The following NLRP2 variants were observed in gnomAD, a reference collection of about 807,000 sequenced individuals.
NLRP2 encodes the protein NLR family pyrin domain containing 2, also known as NACHT, LRR and PYD domains-containing protein 2.
NLRP2 carries 107 observed loss-of-function variants against 97.2 expected under a neutral mutation model. The ratio of observed to expected loss-of-function variants is 1.10; its 90% CI spans 0.94 to 1.29. The LOEUF is 1.29. NLRP2 is among the 50% of genes most tolerant of loss of function. The pLI is 0.00. For synonymous variants in NLRP2, 663 were observed against 551.5 expected, an observed-to-expected ratio of 1.20 and a Z score of -2.83; for missense variants, 1,495 against 1,330.3, an observed-to-expected ratio of 1.12 and a Z score of -1.93.
rs572216748 is a variant in NLRP2, at chr19:54,986,290, C to A, written c.2341C>A (p.Pro781Thr). 16 of 1,613,850 alleles carry A rather than the reference C, an allele frequency of 9.9e-6. No homozygotes were observed. In the Admixed American group the frequency reaches 1.3e-4, roughly 13 times the overall value. The change falls in exon 8 of 13, where the codon CCA becomes ACA. Residue 781 changes from proline to threonine, a missense_variant. By Grantham distance (38) the Pro-to-Thr change is conservative (BLOSUM62 -1). Coordinates refer to ENST00000448584, the MANE Select transcript of NLRP2 (RefSeq NM_017852.5). ...CGCATTGTGTGAGGTCTTGAGACAT[C>A]CAGAATGTAACCTGCGATATCTCGG... ...FPALCEVLRH[P>T]ECNLRYLGLV...
At chr19:54,988,345 T>G (rs1296321422) in intron 8 of NLRP2, among the ~76,000 whole-genome samples, 2 of 152,152 alleles carry the variant, frequency 1.3e-5, no homozygotes, top group African/African-American at 4.8e-5. Context: ...TAGGCTGGAG[T>G]GCAGTGCCAC....
intron 1 of NLRP2, 48 bp downstream of exon 1, chr19:54,966,515 A>G (rs1361557853): frequency 6.6e-6 from 1 of 151,962 alleles, no homozygotes; most frequent in African/African-American, 2.4e-5. Context: ...TTATTTCTCC[A>G]TTCCACAGTT....
intron 11 of NLRP2, among the ~76,000 whole-genome samples, chr19:54,995,293 TGA>T (rs781668556): frequency 1.2e-4 from 18 of 146,234 alleles, no homozygotes; most frequent in Non-Finnish European, 9.0e-5. Context: ...TGGGTTCAAG[TGA>T]TTCTCCTGCC....
chr19:55,000,735 C>T (rs2073140578), intron 12 of NLRP2, 25 bp from the exon 13 acceptor site: 1 of 1,612,404 alleles, frequency 6.2e-7, no homozygotes, highest in African/African-American at 1.3e-5. Flanking sequence ...ACAAAGTAAC[C>T]TTTTCTTCCC....
chr19:54,978,121 C>T lies in NLRP2; in HGVS notation c.397+298C>T, dbSNP rs541987655. Among the ~76,000 whole-genome samples the T allele has an allele frequency of 6.1e-4, 93 of 152,162 alleles. 1 individual carries two copies. Among genetic ancestry groups the T allele is most frequent in the Admixed American group, 5.4e-3 (82 of 15,246 alleles). On this transcript the variant is annotated intron_variant, in intron 4 of 12. Transcript: ENST00000448584. ...TTGGCCAGGTTGGAATGCAATGGCG[C>T]GATCTCGGCTCACTGTAACCTCCAC...
At chr19:54,968,700 C>CATTTTTTTTTTTTTTTT (rs2070640500) in intron 1 of NLRP2, among the ~76,000 whole-genome samples, 1 of 8,574 alleles carries the variant, frequency 1.2e-4, no homozygotes, top group Admixed American at 1.5e-3. Context: ...TATCTTTAAG[C>CATTTTTTTTTTTTTTTT]CTTTTTTTTT....
In NLRP2 at chr19:55,000,819, A is replaced by AT; in HGVS notation, c.3110_3111insT (p.Lys1037AsnfsTer8). On this transcript the variant is annotated frameshift_variant, in exon 13 of 13. Coordinates refer to ENST00000448584, the MANE Select transcript of NLRP2 (RefSeq NM_017852.5). LOFTEE classifies it low-confidence loss of function (END_TRUNC). Reference sequence around the variant, plus strand: ...AAGCTGCTGGAAGAAATAGAAGAAAAAAACCCACAACTGATTATTGATACT... The same window carrying AT: ...AAGCTGCTGGAAGAAATAGAAGAAAATAAACCCACAACTGATTATTGATACT... 6.2e-7 allele frequency: 1 copy of AT among 1,613,740 alleles called. No individual in the cohort carries two copies. Among genetic ancestry groups the AT allele is most frequent in the Non-Finnish European group, 8.5e-7 (1 of 1,179,720 alleles).
In NLRP2 at chr19:54,976,782, T is replaced by G. The variant is rs8102561; in HGVS notation, c.326-970T>G. On this transcript the variant is annotated intron_variant, in intron 3 of 12. Coordinates refer to ENST00000448584, the MANE Select transcript of NLRP2 (RefSeq NM_017852.5). ...ATTATCCAGGGTTAAGCTGCAGATA[T>G]TGTTATTAGGATTCCACCTTGTTCT... The G allele has an allele frequency of 3.2e-4, 137 of 427,384 alleles. 2 individuals carry two copies. The highest frequency in any genetic ancestry group is 5.5e-4 in the Non-Finnish European group (120 of 218,770). 26.5% of individuals were successfully genotyped at this position (427,384 alleles called of 1,614,324 possible).
intron 4 of NLRP2, among the ~76,000 whole-genome samples, chr19:54,979,689 G>T (rs2071452769): frequency 6.6e-6 from 1 of 152,050 alleles, no homozygotes; most frequent in South Asian, 2.1e-4. Flanking sequence ...TCTTGCTATG[G>T]CTCTGTATAA....
Position 54,974,868 on chromosome 19 carries a change from C to T in NLRP2, c.325+324C>T, listed in dbSNP as rs1330005042. On this transcript the variant is annotated intron_variant, in intron 3 of 12. Coordinates refer to ENST00000448584, the MANE Select transcript of NLRP2 (RefSeq NM_017852.5). ...AGGCTGAAGTGCAGTGGTACGACCTCGGCTGACTGCAACCTCTACCTCCTG... is the reference window on the plus strand; with the variant it reads ...AGGCTGAAGTGCAGTGGTACGACCTTGGCTGACTGCAACCTCTACCTCCTG... Among the ~76,000 whole-genome samples the T allele has an allele frequency of 2.0e-5, 3 of 152,154 alleles. No individual in the cohort carries two copies. In the East Asian group the frequency reaches 5.8e-4, roughly 29 times the overall value.
At chr19:54,997,080 G>A (rs922714552) in intron 11 of NLRP2, among the ~76,000 whole-genome samples, 14 of 152,092 alleles carry the variant, frequency 9.2e-5, no homozygotes, top group African/African-American at 3.1e-4. Context: ...GCTAACTTCT[G>A]TATATTTAGT....
rs188323884 is a variant in NLRP2 at position 54,984,671 on chromosome 19, C to T, written c.2031-376C>T. 1.8e-3 allele frequency among the ~76,000 whole-genome samples: 276 copies of T among 151,134 alleles called. 3 individuals are homozygous for T. Among genetic ancestry groups the T allele is most frequent in the African/African-American group, 5.4e-3 (221 of 41,094 alleles). On this transcript the variant is annotated intron_variant, in intron 6 of 12. Coordinates refer to ENST00000448584, the MANE Select transcript of NLRP2 (RefSeq NM_017852.5). ...CTAATTTTTGTACTTTTAGTAGAGA[C>T]GGGGTTTCACCATGTTGGCCAGGCA...
intron 4 of NLRP2, among the ~76,000 whole-genome samples, chr19:54,978,618 G>A (rs1018548938): frequency 6.6e-6 from 1 of 152,032 alleles, no homozygotes; most frequent in Admixed American, 6.6e-5. Context: ...AGCACTTTGG[G>A]AGGCTGAGGC....
intron 4 of NLRP2, among the ~76,000 whole-genome samples, 198 bp downstream of exon 4, chr19:54,978,021 A>G (rs1046810593): frequency 2.0e-5 from 3 of 152,012 alleles, no homozygotes; most frequent in Admixed American, 2.0e-4. Context: ...GAGAATTAGA[A>G]CTCAGTTTGT....
At chr19:54,989,947 C>A in intron 8 of NLRP2, 75 bp from the exon 9 acceptor site, 1 of 1,539,440 alleles carries the variant, frequency 6.5e-7, no homozygotes, top group Non-Finnish European at 8.9e-7. Context: ...GCCGAGATTG[C>A]GCCACCTGGG....
Position 54,982,684 on chromosome 19 carries a change from A to G in NLRP2, c.986A>G (p.Lys329Arg), listed in dbSNP as rs776561473. Reference protein sequence around the residue: ...GSLLNRVMLPKAALLVTTRPR... With the variant: ...GSLLNRVMLPRAALLVTTRPR... ...TTGCTGAACAGGGTGATGTTACCCA[A>G]GGCCGCCCTGCTGGTCACCACGCGG... The change falls in exon 6 of 13, where the codon AAG (lysine) becomes AGG (arginine). Residue 329 changes from lysine (K) to arginine (R), a missense_variant. Physicochemically the swap from Lys to Arg is conservative, Grantham distance 26. Transcript: ENST00000448584. 2.4e-5 allele frequency: 39 copies of G among 1,613,942 alleles called. No individual in the cohort carries two copies. The highest frequency in any genetic ancestry group is 3.1e-5 in the Non-Finnish European group (37 of 1,179,974).
At position 54,993,738 on chromosome 19, in the gene NLRP2, A is replaced by AC. The variant is rs796569808; in HGVS notation, c.2709-525dup. The AC allele has an allele frequency of 2.4e-5, 6 of 246,720 alleles. No individual in the cohort carries two copies. The South Asian group carries it at 2.8e-4, about 12-fold the overall frequency. The allele number at this position is 246,720 out of a possible 1,614,324, so 15.3% of individuals were successfully genotyped here. ...CACGCGCATGTGTGTACACACACAC[A>AC]CCCCCCTGTAATCCCAGCTACTCGG... On this transcript the variant is annotated intron_variant, in intron 10 of 12. Transcript: ENST00000448584.
chr19:54,994,349 T>A lies in NLRP2; in HGVS notation c.2789T>A (p.Leu930Ter). ...LLQEKSSLLC[L>*]DLGLNHIGVK... Reference sequence around the variant, plus strand: ...CAAGAAAAATCAAGCCTGTTGTGTTTGGATCTGGGGCTGAATCACATAGGA... The same window carrying A: ...CAAGAAAAATCAAGCCTGTTGTGTTAGGATCTGGGGCTGAATCACATAGGA... Residue 930 changes from leucine to a stop codon, truncating the protein, a stop_gained, in exon 11 of 13, where the codon TTG (leucine) becomes TAG (stop). Coordinates refer to ENST00000448584, the MANE Select transcript of NLRP2 (RefSeq NM_017852.5). LOFTEE classifies it high-confidence loss of function. The A allele has an allele frequency of 6.2e-7, 1 of 1,614,156 alleles. No homozygotes were observed. Among genetic ancestry groups the A allele is most frequent in the Non-Finnish European group, 8.5e-7 (1 of 1,180,036 alleles).
chr19:54,990,343 G>T, intron 9 of NLRP2, 151 bp downstream of exon 9: 1 of 1,133,036 alleles, frequency 8.8e-7, no homozygotes, highest in South Asian at 1.3e-5. Context: ...TGTGAATTTT[G>T]TTCTTCTCTC....
Sources: allele counts gnomAD v4.1 joint callset (sites outside exome capture counted in the v4.1 genomes callset), GRCh38; gene constraint gnomAD v4.1.1; transcripts MANE v1.5; gene names NCBI Gene and HGNC (gene_info 2026-07-23, HGNC 2026-07-21).